TMTC2: variants seen among roughly 807,000 people sequenced by gnomAD.
TMTC2 encodes transmembrane O-mannosyltransferase targeting cadherins 2.
In TMTC2, 43 loss-of-function variants were observed where a neutral mutation model predicts 82.4. The observed-to-expected ratio is 0.52, with a 90% CI of 0.41 to 0.67. The LOEUF (loss-of-function observed/expected upper bound fraction) is 0.67, where lower values mean the gene tolerates loss of function less well. TMTC2 is among the 30% of genes least tolerant of loss of function. TMTC2 has a pLI of 0.00. For missense variants in TMTC2, 919 were observed against 1,012.4 expected (o/e 0.91, Z 1.25); for synonymous variants, 408 against 381.9 (o/e 1.07, Z -0.80).
intron 1 of TMTC2, among the ~76,000 whole-genome samples, chr12:82,751,877 G>A (rs1876026083): frequency 6.6e-6 from 1 of 152,080 alleles, no homozygotes; most frequent in Admixed American, 6.5e-5. Flanking sequence ...AAACAGTTTT[G>A]TGTTAAAGGA....
At chr12:82,972,903 T>C (rs1160535683) in intron 7 of TMTC2, among the ~76,000 whole-genome samples, 1 of 152,178 alleles carries the variant, frequency 6.6e-6, no homozygotes, top group Non-Finnish European at 1.5e-5. Context: ...TATGTGCATG[T>C]GTGTTTACCT....
intron 3 of TMTC2, among the ~76,000 whole-genome samples, chr12:82,902,124 G>A (rs1488604163): frequency 6.6e-6 from 1 of 152,110 alleles, no homozygotes; most frequent in Non-Finnish European, 1.5e-5. Flanking sequence ...CTTTTGTCAT[G>A]ACAGATGCTC....
chr12:82,992,577 C>G (rs1332780665), intron 8 of TMTC2, among the ~76,000 whole-genome samples: 1 of 152,118 alleles, frequency 6.6e-6, no homozygotes, highest in Non-Finnish European at 1.5e-5. Flanking sequence ...TCAGCTAAGC[C>G]TTTATATGAA....
intron 1 of TMTC2, among the ~76,000 whole-genome samples, chr12:82,790,655 G>A (rs770512832): frequency 2.0e-5 from 3 of 151,514 alleles, no homozygotes; most frequent in African/African-American, 2.4e-5. Context: ...GTGAAACCCC[G>A]TCTCTACTAA....
intron 1 of TMTC2, among the ~76,000 whole-genome samples, chr12:82,701,288 C>T: frequency 6.6e-6 from 1 of 152,076 alleles, no homozygotes; most frequent in East Asian, 1.9e-4. Context: ...AATTGATAGC[C>T]CGAATCTCAG....
Position 82,915,690 on chromosome 12 carries a change from C to T in TMTC2, c.1484-14741C>T, listed in dbSNP as rs569689330. ...TTGGAAATCGTAATTCTGTACAAGT[C>T]GTCTAAGAACTCTTGGTCTTTCTAA... On this transcript the variant is annotated intron_variant, in intron 3 of 11. Transcript: ENST00000321196. Among the ~76,000 whole-genome samples, 29 of 152,296 alleles carry T rather than the reference C, an allele frequency of 1.9e-4. 1 individual carries two copies. The South Asian group carries it at 5.4e-3, about 28-fold the overall frequency.
At chr12:82,846,912 A>G (rs1198258544) in intron 1 of TMTC2, among the ~76,000 whole-genome samples, 1 of 152,182 alleles carries the variant, frequency 6.6e-6, no homozygotes, top group Non-Finnish European at 1.5e-5. Flanking sequence ...AAGTGTTACC[A>G]GTGTAATGAT....
intron 9 of TMTC2, among the ~76,000 whole-genome samples, chr12:83,033,780 C>G (rs1235128694): frequency 6.9e-6 from 1 of 145,150 alleles, no homozygotes; most frequent in Admixed American, 6.9e-5. Context: ...AACAAAAAAA[C>G]CATATAAATA....
At chr12:83,130,248 G>A (rs1451387543) in intron 11 of TMTC2, among the ~76,000 whole-genome samples, 1 of 152,180 alleles carries the variant, frequency 6.6e-6, no homozygotes, top group Non-Finnish European at 1.5e-5. Flanking sequence ...GCTAAGCACT[G>A]TGAGGGGACA....
intron 3 of TMTC2, among the ~76,000 whole-genome samples, chr12:82,923,301 C>G (rs990898698): frequency 1.3e-5 from 2 of 152,056 alleles, no homozygotes; most frequent in Non-Finnish European, 2.9e-5. Flanking sequence ...TTTGTAGAAT[C>G]CTATTCATGT....
At chr12:82,864,611 C>G (rs975065339) in intron 2 of TMTC2, among the ~76,000 whole-genome samples, 8 of 150,046 alleles carry the variant, frequency 5.3e-5, no homozygotes, top group African/African-American at 2.0e-4. Flanking sequence ...CAGCGATTCA[C>G]CTACCTCAGC....
intron 2 of TMTC2, among the ~76,000 whole-genome samples, chr12:82,886,886 T>A (rs1333189317): frequency 6.6e-6 from 1 of 152,122 alleles, no homozygotes; most frequent in African/African-American, 2.4e-5. Context: ...GTTCAGAAAT[T>A]ATGCCTTTGA....
At chr12:82,965,174 T>A in intron 5 of TMTC2, 65 bp downstream of exon 5, 1 of 1,244,692 alleles carries the variant, frequency 8.0e-7, no homozygotes, top group Non-Finnish European at 1.2e-6. Flanking sequence ...AACTCTAATT[T>A]ACAGCCTCAC....
At chr12:82,823,730 T>A (rs1869245595) in intron 1 of TMTC2, among the ~76,000 whole-genome samples, 2 of 152,182 alleles carry the variant, frequency 1.3e-5, no homozygotes, top group South Asian at 4.1e-4. Context: ...GTAACCCTGT[T>A]CTTGAGAAAG....
intron 1 of TMTC2, among the ~76,000 whole-genome samples, chr12:82,747,215 G>A (rs1875739027): frequency 6.6e-6 from 1 of 152,212 alleles, no homozygotes; most frequent in South Asian, 2.1e-4. Flanking sequence ...GGATATATGA[G>A]AGGTGCTAAT....
chr12:83,046,169 GC>G (rs1432226291), intron 9 of TMTC2, among the ~76,000 whole-genome samples: 2 of 152,164 alleles, frequency 1.3e-5, no homozygotes, highest in African/African-American at 4.8e-5. Context: ...AACTGAGGTT[GC>G]TGTAGACCCA....
chr12:83,016,582 C>T (rs1347714105), intron 8 of TMTC2, among the ~76,000 whole-genome samples: 1 of 152,168 alleles, frequency 6.6e-6, no homozygotes, highest in Admixed American at 6.5e-5. Context: ...TTTTCCTATC[C>T]AGTGCTGCAC....
At chr12:83,050,834 T>G in intron 9 of TMTC2, 70 bp from the exon 10 acceptor site, 8 of 1,018,494 alleles carry the variant, frequency 7.9e-6, no homozygotes, top group African/African-American at 1.6e-5. Flanking sequence ...TACTTATTTT[T>G]CTTTAATAAC....
chr12:82,804,108 G>A (rs1311479543), intron 1 of TMTC2, among the ~76,000 whole-genome samples: 2 of 152,050 alleles, frequency 1.3e-5, no homozygotes, highest in East Asian at 3.8e-4. Context: ...TCAGGCTCTG[G>A]AGGAAGAACT....
Sources: allele counts gnomAD v4.1 joint callset (sites outside exome capture counted in the v4.1 genomes callset), GRCh38; gene constraint gnomAD v4.1.1; transcripts MANE v1.5; gene names NCBI Gene and HGNC (gene_info 2026-07-23, HGNC 2026-07-21).